The following TJP1 variants were observed in gnomAD, a reference collection of about 807,000 sequenced individuals.
The protein encoded by TJP1 is tight junction protein ZO-1.
In TJP1, 43 loss-of-function variants were observed where a neutral mutation model predicts 194.2. That is an observed-to-expected ratio of 0.22 (90% CI 0.17 to 0.29). The LOEUF (loss-of-function observed/expected upper bound fraction) is 0.29. Ranked by LOEUF, TJP1 falls within the 10% of genes least tolerant of loss-of-function variation. TJP1 has a pLI of 1.00. For missense variants in TJP1, 1,971 were observed against 2,185.7 expected, an observed-to-expected ratio of 0.90 and a Z score of 1.96; for synonymous variants, 801 against 779.0, an observed-to-expected ratio of 1.03 and a Z score of -0.47.
intron 2 of TJP1, among the ~76,000 whole-genome samples, chr15:29,865,704 C>T (rs1488134157): frequency 6.6e-6 from 1 of 151,970 alleles, no homozygotes; most frequent in Non-Finnish European, 1.5e-5. Context: ...GGACATGCAC[C>T]GAGCAATGTG....
intron 23 of TJP1, among the ~76,000 whole-genome samples, chr15:29,713,546 T>G (rs2042371522): frequency 6.6e-6 from 1 of 152,208 alleles, no homozygotes; most frequent in Non-Finnish European, 1.5e-5. Flanking sequence ...ATTTTGCTAC[T>G]CCTGTATTTA....
intron 18 of TJP1, 107 bp downstream of exon 18, chr15:29,726,272 T>G: frequency 1.1e-6 from 1 of 942,088 alleles, no homozygotes; most frequent in Non-Finnish European, 1.6e-6. Context: ...TTCCCCAAAT[T>G]TCTCCAATAT....
chr15:29,767,051 T>C (rs2046372822), intron 4 of TJP1, among the ~76,000 whole-genome samples: 1 of 152,210 alleles, frequency 6.6e-6, no homozygotes, highest in African/African-American at 2.4e-5. Flanking sequence ...AATAATATGT[T>C]GGAGCTAATT....
At position 29,700,531 on chromosome 15, in the gene TJP1, C is replaced by T. The variant is rs778975304; in HGVS notation, c.*1064G>A. 2 of 398,516 alleles carry T rather than the reference C, an allele frequency of 5.0e-6. No homozygotes were observed. The highest frequency in any genetic ancestry group is 8.9e-6 in the Non-Finnish European group (2 of 225,968). 24.7% of individuals were successfully genotyped at this position (398,516 alleles called of 1,614,324 possible). The stretch of plus-strand genomic sequence containing the variant: ...GTCAAAGTTCAAGGCTCAAGAGGTA[C>T]AGGAGAGAATACAAAGGTAGCCTTT... On this transcript the variant is annotated 3_prime_UTR_variant, in exon 28 of 28. Transcript: ENST00000614355.
At chr15:29,713,423 T>C (rs1320966574) in intron 23 of TJP1, among the ~76,000 whole-genome samples, 2 of 152,234 alleles carry the variant, frequency 1.3e-5, no homozygotes, top group Admixed American at 6.5e-5. Context: ...ATCTGCTTGC[T>C]TCCTGGGGCA....
At chr15:29,885,700 T>C (rs550893369) in intron 2 of TJP1, among the ~76,000 whole-genome samples, 21 of 152,234 alleles carry the variant, frequency 1.4e-4, no homozygotes, top group African/African-American at 5.1e-4. Flanking sequence ...TTTGGGCATC[T>C]AAGAACATCT....
chr15:29,912,971 G>T (rs191129475), intron 2 of TJP1, among the ~76,000 whole-genome samples: 3 of 152,174 alleles, frequency 2.0e-5, no homozygotes, highest in African/African-American at 7.2e-5. Flanking sequence ...AAGCAGAGAC[G>T]AGCAGAGATT....
chr15:29,858,738 G>C (rs1031408130), intron 2 of TJP1, among the ~76,000 whole-genome samples: 5 of 151,908 alleles, frequency 3.3e-5, no homozygotes, highest in African/African-American at 1.2e-4. Context: ...GTAGAGACAG[G>C]GTTTTACCAT....
intron 2 of TJP1, among the ~76,000 whole-genome samples, chr15:29,851,802 G>T (rs766408751): frequency 6.6e-6 from 1 of 152,220 alleles, no homozygotes; most frequent in Non-Finnish European, 1.5e-5. Flanking sequence ...TGGGAGCCAG[G>T]CATGGTGGCA....
chr15:29,837,886 A>G (rs972015150), intron 2 of TJP1, among the ~76,000 whole-genome samples: 3 of 152,194 alleles, frequency 2.0e-5, no homozygotes, highest in Non-Finnish European at 4.4e-5. Flanking sequence ...GATTCCTGGT[A>G]TCAATCCAAT....
intron 23 of TJP1, among the ~76,000 whole-genome samples, chr15:29,712,610 CACTT>C (rs1290650255): frequency 1.3e-5 from 2 of 152,182 alleles, no homozygotes; most frequent in South Asian, 2.1e-4. Flanking sequence ...AAAACACAAT[CACTT>C]AGTTATGTCC....
intron 2 of TJP1, among the ~76,000 whole-genome samples, chr15:29,881,692 A>G (rs1321613028): frequency 6.6e-6 from 1 of 152,192 alleles, no homozygotes; most frequent in Non-Finnish European, 1.5e-5. Context: ...CATTGGATAT[A>G]TATTTTTCAC....
At chr15:29,808,998 C>A (rs2049303947) in intron 1 of TJP1, among the ~76,000 whole-genome samples, 1 of 152,108 alleles carries the variant, frequency 6.6e-6, no homozygotes, top group Admixed American at 6.5e-5. Context: ...CCACATGGGG[C>A]TACTCAGCAC....
At chr15:29,762,656 G>A (rs1355647010) in intron 5 of TJP1, among the ~76,000 whole-genome samples, 1 of 152,134 alleles carries the variant, frequency 6.6e-6, no homozygotes, top group Non-Finnish European at 1.5e-5. Flanking sequence ...TGGTTCAAAC[G>A]AAGGACTGAT....
intron 2 of TJP1, among the ~76,000 whole-genome samples, chr15:29,831,586 A>G (rs1436854248): frequency 6.6e-6 from 1 of 152,148 alleles, no homozygotes; most frequent in Non-Finnish European, 1.5e-5. Context: ...CAAGTTAATA[A>G]AAAAGAAAAG....
intron 2 of TJP1, among the ~76,000 whole-genome samples, chr15:29,776,342 AAAC>A (rs1259690570): frequency 1.3e-5 from 2 of 152,186 alleles, no homozygotes; most frequent in African/African-American, 4.8e-5. Context: ...GCTGAAGAGA[AAAC>A]AAAGTTTGTG....
chr15:29,869,822 T>G (rs1250647470), intron 2 of TJP1, among the ~76,000 whole-genome samples: 1 of 140,486 alleles, frequency 7.1e-6, no homozygotes, highest in Non-Finnish European at 1.5e-5. Flanking sequence ...TTTTTTTTTT[T>G]TTGAGACAGA....
chr15:29,752,737 A>C (rs1435359466), intron 8 of TJP1, among the ~76,000 whole-genome samples: 1 of 152,212 alleles, frequency 6.6e-6, no homozygotes, highest in East Asian at 1.9e-4. Context: ...ACATATTAGC[A>C]AAAAAGCATT....
intron 15 of TJP1, chr15:29,731,118 AG>A (rs1207622811): frequency 1.6e-6 from 1 of 637,638 alleles, no homozygotes; most frequent in Admixed American, 2.6e-5. Context: ...GTTCGCACAC[AG>A]AACACTTCAT....
Sources: gnomAD v4.1 joint callset for allele counts (sites outside exome capture counted in the v4.1 genomes callset) on GRCh38, gnomAD v4.1.1 for gene constraint, MANE v1.5 for transcripts, NCBI Gene and HGNC (gene_info 2026-07-23, HGNC 2026-07-21) for gene names.